ZNF600: variants seen among roughly 807,000 people sequenced by gnomAD.
ZNF600 encodes the protein zinc finger protein KR-ZNF1.
A neutral mutation model predicts 7.3 loss-of-function variants in ZNF600; 4 were observed. The ratio of observed to expected loss-of-function variants is 0.55; its 90% CI spans 0.27 to 1.25. ZNF600 has a LOEUF of 1.25. Ranked by LOEUF, ZNF600 falls within the 50% of genes most tolerant of loss-of-function variation. The probability of loss-of-function intolerance (pLI) is 0.12; values close to 1 mark genes in which losing one functional copy is unlikely to be tolerated. For synonymous variants in ZNF600, 290 were observed against 308.9 expected (o/e 0.94, Z 0.64); for missense variants, 911 against 922.1 (o/e 0.99, Z 0.16).
intron 1 of ZNF600, among the ~76,000 whole-genome samples, chr19:52,783,114 C>G (rs1259812097): frequency 6.7e-6 from 1 of 150,220 alleles, no homozygotes; most frequent in East Asian, 1.9e-4. Flanking sequence ...TCACTGTCCT[C>G]TGGCTGAAGA....
chr19:52,820,915 C>T, the ZNF600 span, among the ~76,000 whole-genome samples: 2 of 151,996 alleles, frequency 1.3e-5, no homozygotes, highest in South Asian at 4.2e-4. Flanking sequence ...CTCTCTCTGT[C>T]TCCTGATCCC....
intron 3 of ZNF600, among the ~76,000 whole-genome samples, chr19:52,768,371 C>G (rs1383997773): frequency 6.8e-6 from 1 of 147,274 alleles, no homozygotes; most frequent in African/African-American, 2.5e-5. Flanking sequence ...ACCTGGGAGG[C>G]AGAGGTTGCG....
chr19:52,773,391 CT>C (rs1193071027), intron 3 of ZNF600, among the ~76,000 whole-genome samples: 1 of 152,180 alleles, frequency 6.6e-6, no homozygotes, highest in Non-Finnish European at 1.5e-5. Context: ...AATTTTACAT[CT>C]CTTAAATTAA....
At chr19:52,799,548 T>C in the ZNF600 span, 1 of 1,455,726 alleles carries the variant, frequency 6.9e-7, no homozygotes, top group Admixed American at 1.8e-5. Flanking sequence ...ATGAATGGCT[T>C]TGTGACTTAC....
At chr19:52,830,449 A>C in the ZNF600 span, among the ~76,000 whole-genome samples, 1 of 152,250 alleles carries the variant, frequency 6.6e-6, no homozygotes, top group South Asian at 2.1e-4. Context: ...TTCTAAGCAC[A>C]ATAGTCCACC....
At chr19:52,766,515 T>C in exon 4 of ZNF600, 1 of 1,614,152 alleles carries the variant, frequency 6.2e-7, no homozygotes, top group Non-Finnish European at 8.5e-7. Context: ...ATTACACTTG[T>C]AAGGTTTTCC....
chr19:52,801,027 C>A, the ZNF600 span: 1 of 1,614,160 alleles, frequency 6.2e-7, no homozygotes, highest in Admixed American at 1.7e-5. Context: ...ACACTCATTA[C>A]ACTTGTAAGG....
intron 3 of ZNF600, among the ~76,000 whole-genome samples, chr19:52,771,932 A>T (rs1395325797): frequency 1.3e-5 from 2 of 152,194 alleles, no homozygotes; most frequent in Admixed American, 1.3e-4. Context: ...TATTTCTGAC[A>T]GAACAGTGAA....
intron 1 of ZNF600, among the ~76,000 whole-genome samples, chr19:52,783,541 T>C (rs2062740423): frequency 2.0e-5 from 3 of 152,146 alleles, no homozygotes; most frequent in African/African-American, 7.2e-5. Flanking sequence ...TTTAGTTTTC[T>C]TAGTAGAGAC....
intron 1 of ZNF600, among the ~76,000 whole-genome samples, chr19:52,785,992 A>T (rs547110364): frequency 5.3e-5 from 8 of 151,702 alleles, no homozygotes; most frequent in African/African-American, 1.7e-4. Flanking sequence ...GCCATCTGTT[A>T]TGGGCCTTTC....
the ZNF600 span, among the ~76,000 whole-genome samples, chr19:52,831,934 T>C: frequency 2.0e-5 from 3 of 152,166 alleles, no homozygotes; most frequent in Non-Finnish European, 4.4e-5. Flanking sequence ...CAGCCCCTTC[T>C]TACTATTAAC....
chr19:52,774,584 C>A lies in ZNF600; in HGVS notation c.181G>T (p.Glu61Ter). 1 of 985,260 alleles carries A rather than the reference C, an allele frequency of 1.0e-6. No individual in the cohort carries two copies. Among genetic ancestry groups the A allele is most frequent in the Non-Finnish European group, 1.2e-6 (1 of 829,912 alleles). 61.0% of individuals were successfully genotyped at this position (985,260 alleles called of 1,614,324 possible). A position where few individuals can be genotyped will look rare whatever the true frequency, so the allele number is the denominator to read the frequency against. Residue 61 changes from glutamate to a stop codon, truncating the protein, a stop_gained, in exon 3 of 4, where the codon GAA (glutamate) becomes TAA (stop). Coordinates refer to ENST00000648973, the Ensembl canonical transcript of ZNF600. LOFTEE classifies it low-confidence loss of function (END_TRUNC). ...ACATCATTTTCCTCACCCACAGCTT[C>A]CAGGTTCCTGTAGTTCTCCAACATC...
At chr19:52,800,432 T>C in the ZNF600 span, 1 of 1,613,540 alleles carries the variant, frequency 6.2e-7, no homozygotes, top group Non-Finnish European at 8.5e-7. Context: ...CTTTGTCACA[T>C]TCTTCACATT....
At chr19:52,775,721 A>C (rs2062669339) in intron 2 of ZNF600, among the ~76,000 whole-genome samples, 1 of 152,174 alleles carries the variant, frequency 6.6e-6, no homozygotes, top group Admixed American at 6.6e-5. Flanking sequence ...AAAAACTGTC[A>C]TGACTGCGCA....
At chr19:52,813,661 G>C in the ZNF600 span, among the ~76,000 whole-genome samples, 2 of 142,954 alleles carry the variant, frequency 1.4e-5, no homozygotes. Context: ...AGATTGCCTG[G>C]TGATCTATTT....
At chr19:52,831,905 A>G in the ZNF600 span, among the ~76,000 whole-genome samples, 1 of 152,190 alleles carries the variant, frequency 6.6e-6, no homozygotes, top group Admixed American at 6.5e-5. Context: ...CTGGGATTAC[A>G]GGCATAAGCC....
At chr19:52,767,708 G>T in exon 4 of ZNF600, 1 of 1,612,424 alleles carries the variant, frequency 6.2e-7, no homozygotes, top group African/African-American at 1.3e-5. Flanking sequence ...TCCCTGTGTG[G>T]ATCACTTCTG....
exon 4 of ZNF600, chr19:52,764,899 A>G (rs2062556479): frequency 5.8e-6 from 1 of 172,722 alleles, no homozygotes; most frequent in Non-Finnish European, 1.2e-5. Flanking sequence ...AATAGAAAAT[A>G]AGAATCAAAA....
At chr19:52,821,153 G>A in the ZNF600 span, among the ~76,000 whole-genome samples, 2 of 151,590 alleles carry the variant, frequency 1.3e-5, no homozygotes, top group South Asian at 4.2e-4. Flanking sequence ...CGACGCCTTC[G>A]GACAAGGGTG....
Sources: gnomAD v4.1 joint callset for allele counts (sites outside exome capture counted in the v4.1 genomes callset) on GRCh38, gnomAD v4.1.1 for gene constraint, MANE v1.5 for transcripts, NCBI Gene and HGNC (gene_info 2026-07-23, HGNC 2026-07-21) for gene names.